BCL2L13: variants seen among roughly 807,000 people sequenced by gnomAD.
BCL2L13 encodes BCL2 like 13.
Under a neutral mutation model 25.8 loss-of-function variants are expected in BCL2L13, and 13 were observed. The observed-to-expected ratio is 0.50, with a 90% CI of 0.33 to 0.80. The LOEUF is 0.80. Ranked by LOEUF, BCL2L13 falls within the 30% of genes least tolerant of loss-of-function variation. BCL2L13 has a pLI of 0.02. For missense variants in BCL2L13, 504 were observed against 574.9 expected (o/e 0.88, Z 1.26); for synonymous variants, 244 against 230.3 (o/e 1.06, Z -0.54).
At chr22:17,680,322 AAC>A in intron 2 of BCL2L13, among the ~76,000 whole-genome samples, 1 of 151,370 alleles carries the variant, frequency 6.6e-6, no homozygotes. Flanking sequence ...CATCCTGGCT[AAC>A]ACGGTGAAAC....
chr22:17,666,893 G>C (rs1340263352), intron 2 of BCL2L13, among the ~76,000 whole-genome samples: 1 of 151,866 alleles, frequency 6.6e-6, no homozygotes, highest in Non-Finnish European at 1.5e-5. Flanking sequence ...TCACCAGTTG[G>C]CCAGGCTGGT....
intron 3 of BCL2L13, among the ~76,000 whole-genome samples, chr22:17,687,134 C>T (rs73378731): frequency 0.053 from 8,107 of 152,100 alleles, 356 homozygotes; most frequent in African/African-American, 0.12. Context: ...TAGATTAATG[C>T]AATAAATACT....
chr22:17,634,931 G>C (rs1321886220), upstream of BCL2L13, among the ~76,000 whole-genome samples: 1 of 149,016 alleles, frequency 6.7e-6, no homozygotes, highest in Non-Finnish European at 1.5e-5. Flanking sequence ...CTGGGTAACA[G>C]AGTGGAAGTG....
At chr22:17,689,259 T>C in intron 4 of BCL2L13, 117 bp downstream of exon 4, 2 of 873,904 alleles carry the variant, frequency 2.3e-6, no homozygotes, top group South Asian at 3.0e-5. Flanking sequence ...TTTCTCACTT[T>C]TCTTTACATT....
At chr22:17,651,822 C>A (rs945251199) in intron 1 of BCL2L13, among the ~76,000 whole-genome samples, 2 of 152,166 alleles carry the variant, frequency 1.3e-5, no homozygotes, top group Admixed American at 6.6e-5. Context: ...TCCTGAGCAG[C>A]TGGGACTACA....
chr22:17,678,808 A>G (rs2059648171), intron 2 of BCL2L13, among the ~76,000 whole-genome samples: 1 of 152,214 alleles, frequency 6.6e-6, no homozygotes, highest in African/African-American at 2.4e-5. Flanking sequence ...CCTGATAAAT[A>G]GCAGGTAGTC....
chr22:17,729,191 A>C lies in BCL2L13; in HGVS notation c.*1657A>C, dbSNP rs546390262. On this transcript the variant is annotated 3_prime_UTR_variant, in exon 7 of 7. Transcript: ENST00000317582. ...TTTGAAATTTATGTTTTCAAATAAA[A>C]TCTCCCTAAAGCAATATTTAAAAAT... 6.6e-6 allele frequency: 1 copy of C among 152,242 alleles called. No individual in the cohort carries two copies. Among genetic ancestry groups the C allele is most frequent in the Non-Finnish European group, 1.5e-5 (1 of 68,046 alleles). The allele number at this position is 152,242 out of a possible 1,614,324, so 9.4% of individuals were successfully genotyped here. A position where few individuals can be genotyped will look rare whatever the true frequency, so the allele number is the denominator to read the frequency against.
intron 1 of BCL2L13, among the ~76,000 whole-genome samples, chr22:17,633,537 C>T (rs2058061920): frequency 6.6e-6 from 1 of 152,108 alleles, no homozygotes; most frequent in South Asian, 2.1e-4. Flanking sequence ...AGATTCCTGT[C>T]AGGTTAGTCA....
chr22:17,658,854 C>G (rs897470770), intron 2 of BCL2L13, among the ~76,000 whole-genome samples: 2 of 150,326 alleles, frequency 1.3e-5, no homozygotes, highest in African/African-American at 4.9e-5. Flanking sequence ...GTCAGAAGTT[C>G]AAGACCAGCC....
intron 3 of BCL2L13, among the ~76,000 whole-genome samples, chr22:17,687,904 A>G (rs1442229208): frequency 4.2e-5 from 6 of 143,552 alleles, no homozygotes; most frequent in South Asian, 2.2e-4. Flanking sequence ...TGCAACCTCT[A>G]TCTCCCAGGT....
In BCL2L13 at chr22:17,727,544, C is replaced by T. The variant is rs762257198; in HGVS notation, c.*10C>T. 2 of 1,612,952 alleles carry T rather than the reference C, an allele frequency of 1.2e-6. No homozygotes were observed. The highest frequency in any genetic ancestry group is 2.2e-5 in the South Asian group (2 of 91,072). ...TCTGAGAAAGAAATAGGAGGCTTTT[C>T]AGAAGAGAAAGACAGAAGGATGTAA... On this transcript the variant is annotated 3_prime_UTR_variant, in exon 7 of 7. Coordinates refer to ENST00000317582, the MANE Select transcript of BCL2L13 (RefSeq NM_015367.4).
At chr22:17,718,714 A>T (rs1217298585) in intron 6 of BCL2L13, among the ~76,000 whole-genome samples, 2 of 152,232 alleles carry the variant, frequency 1.3e-5, no homozygotes, top group South Asian at 4.1e-4. Flanking sequence ...GAAGATTTTT[A>T]AAAATTATTA....
intron 2 of BCL2L13, 61 bp from the exon 3 acceptor site, chr22:17,683,153 T>C: frequency 1.1e-6 from 1 of 897,518 alleles, no homozygotes; most frequent in East Asian, 2.7e-5. Context: ...AAAAAAGTGC[T>C]ATTATATTCT....
intron 3 of BCL2L13, among the ~76,000 whole-genome samples, chr22:17,686,618 C>G (rs1008069948): frequency 6.6e-6 from 1 of 150,414 alleles, no homozygotes; most frequent in African/African-American, 2.4e-5. Flanking sequence ...TTAAGTGATT[C>G]TCCTGCCTCA....
At chr22:17,636,152 C>G (rs188928951), upstream of BCL2L13, among the ~76,000 whole-genome samples, 21 of 151,022 alleles carry the variant, frequency 1.4e-4, no homozygotes, top group African/African-American at 5.1e-4. Context: ...ACTGAAACCC[C>G]GTCTCTACTA....
chr22:17,632,752 CTTTT>C (rs67358246), intron 1 of BCL2L13, among the ~76,000 whole-genome samples: 11 of 124,368 alleles, frequency 8.8e-5, no homozygotes, highest in African/African-American at 1.8e-4. Context: ...GATTCTTCTT[CTTTT>C]TTTTTTTTTT....
At chr22:17,715,137 TA>T (rs2060881661) in intron 6 of BCL2L13, among the ~76,000 whole-genome samples, 1 of 2,860 alleles carries the variant, frequency 3.5e-4, no homozygotes, top group Non-Finnish European at 7.2e-4. Flanking sequence ...TATATATATA[TA>T]TATATATATA....
At chr22:17,654,454 G>A (rs369478731) in intron 1 of BCL2L13, among the ~76,000 whole-genome samples, 1 of 149,784 alleles carries the variant, frequency 6.7e-6, no homozygotes, top group African/African-American at 2.5e-5. Flanking sequence ...ATGGAGTCTC[G>A]CTCTGTCGCC....
At chr22:17,666,244 T>G (rs1447370869) in intron 2 of BCL2L13, among the ~76,000 whole-genome samples, 2 of 152,000 alleles carry the variant, frequency 1.3e-5, no homozygotes, top group African/African-American at 2.4e-5. Context: ...ACATAGTAGG[T>G]GTATATATAT....
Sources: allele counts gnomAD v4.1 joint callset (sites outside exome capture counted in the v4.1 genomes callset), GRCh38; gene constraint gnomAD v4.1.1; transcripts MANE v1.5; gene names NCBI Gene and HGNC (gene_info 2026-07-23, HGNC 2026-07-21).